The following LMX1A variants were observed in gnomAD, a reference collection of about 807,000 sequenced individuals.
LMX1A encodes LIM homeobox transcription factor 1-alpha.
LMX1A carries 15 observed loss-of-function variants against 49.1 expected under a neutral mutation model. The observed-to-expected ratio is 0.31, with a 90% CI of 0.20 to 0.47. LMX1A has a LOEUF of 0.47. Among genes scored for constraint, LMX1A ranks in the 20% least tolerant of loss-of-function variants. The probability of loss-of-function intolerance (pLI) is 1.00; values close to 1 mark genes in which losing one functional copy is unlikely to be tolerated. For synonymous variants in LMX1A, 167 were observed against 185.7 expected (o/e 0.90, Z 0.82); for missense variants, 372 against 475.8 (o/e 0.78, Z 2.03).
chr1:165,255,776 C>T (rs1337541938), intron 3 of LMX1A, among the ~76,000 whole-genome samples: 3 of 152,090 alleles, frequency 2.0e-5, no homozygotes, highest in Admixed American at 6.5e-5. Context: ...GAGGTCGAGA[C>T]CAGCCTGGCC....
intron 8 of LMX1A, 40 bp downstream of exon 8, chr1:165,205,824 C>A: frequency 1.3e-6 from 2 of 1,599,080 alleles, no homozygotes; most frequent in Non-Finnish European, 1.7e-6. Flanking sequence ...GAAACCCACA[C>A]AAGTTATGAG....
At chr1:165,338,791 T>C (rs948922036) in intron 3 of LMX1A, among the ~76,000 whole-genome samples, 4 of 152,216 alleles carry the variant, frequency 2.6e-5, no homozygotes, top group Non-Finnish European at 5.9e-5. Context: ...TGGAAAATAC[T>C]TGGCTTCCTT....
intron 4 of LMX1A, among the ~76,000 whole-genome samples, chr1:165,232,898 T>C (rs2102622214): frequency 6.6e-6 from 1 of 152,270 alleles, no homozygotes; most frequent in Admixed American, 6.5e-5. Context: ...CTTTGGTGAG[T>C]CAGGAAGATG....
At chr1:165,305,993 C>A (rs745324182) in intron 3 of LMX1A, among the ~76,000 whole-genome samples, 1 of 152,138 alleles carries the variant, frequency 6.6e-6, no homozygotes, top group African/African-American at 2.4e-5. Flanking sequence ...AAGTACAATG[C>A]GTTACTAGCA....
chr1:165,340,483 T>C (rs1656040966), intron 3 of LMX1A, among the ~76,000 whole-genome samples: 1 of 152,194 alleles, frequency 6.6e-6, no homozygotes, highest in South Asian at 2.1e-4. Context: ...CCACTCACTC[T>C]GATGTTCTCC....
In LMX1A at chr1:165,203,657, T is replaced by A. The variant is rs1411521036; in HGVS notation, c.*223A>T. 2.4e-6 allele frequency: 1 copy of A among 422,670 alleles called. No homozygotes were observed. The highest frequency in any genetic ancestry group is 2.0e-5 in the African/African-American group (1 of 51,220). The allele number at this position is 422,670 out of a possible 1,614,324, so 26.2% of individuals were successfully genotyped here. A position where few individuals can be genotyped will look rare whatever the true frequency, so the allele number is the denominator to read the frequency against. On this transcript the variant is annotated 3_prime_UTR_variant, in exon 9 of 9. Coordinates refer to ENST00000342310, the MANE Select transcript of LMX1A (RefSeq NM_177398.4). ...CCTTAATGATAAACACGTCTTCATATCTAATGCTAAGACTCTTATTAGAAA... is the reference window on the plus strand; with the variant it reads ...CCTTAATGATAAACACGTCTTCATAACTAATGCTAAGACTCTTATTAGAAA...
intron 3 of LMX1A, among the ~76,000 whole-genome samples, chr1:165,329,865 A>G (rs1428518501): frequency 6.6e-6 from 1 of 152,232 alleles, no homozygotes; most frequent in South Asian, 2.1e-4. Context: ...TATCTCCAAG[A>G]CTGACACATT....
At chr1:165,213,103 T>C (rs1274208590) in intron 5 of LMX1A, 4 of 152,324 alleles carry the variant, frequency 2.6e-5, no homozygotes, top group Non-Finnish European at 4.4e-5. Context: ...CACTGTATTT[T>C]TTTTTACATG....
chr1:165,237,110 T>C (rs1355672828), intron 4 of LMX1A, among the ~76,000 whole-genome samples: 1 of 152,174 alleles, frequency 6.6e-6, no homozygotes, highest in Non-Finnish European at 1.5e-5. Context: ...AACCTAATCC[T>C]TGCCCAATGT....
intron 3 of LMX1A, among the ~76,000 whole-genome samples, chr1:165,336,697 T>C (rs1482145680): frequency 6.6e-6 from 1 of 152,132 alleles, no homozygotes; most frequent in Non-Finnish European, 1.5e-5. Context: ...AGGGGGAATA[T>C]CTTGGAATCA....
intron 4 of LMX1A, among the ~76,000 whole-genome samples, chr1:165,230,844 G>A (rs1652216346): frequency 6.6e-6 from 1 of 152,140 alleles, no homozygotes; most frequent in African/African-American, 2.4e-5. Flanking sequence ...CATTCCAAGT[G>A]TCTGTCACAG....
intron 3 of LMX1A, among the ~76,000 whole-genome samples, chr1:165,265,669 A>C (rs1653600005): frequency 6.6e-6 from 1 of 152,176 alleles, no homozygotes; most frequent in South Asian, 2.1e-4. Flanking sequence ...AGTCATTGCT[A>C]TTGTCATTGA....
chr1:165,241,779 G>A (rs1219225595), intron 4 of LMX1A, among the ~76,000 whole-genome samples: 1 of 152,156 alleles, frequency 6.6e-6, no homozygotes, highest in African/African-American at 2.4e-5. Flanking sequence ...ACAAGACAGG[G>A]TAGATGAAAT....
chr1:165,290,754 G>A (rs554899176), intron 3 of LMX1A, among the ~76,000 whole-genome samples: 13 of 152,242 alleles, frequency 8.5e-5, no homozygotes, highest in South Asian at 2.1e-4. Context: ...TTAGAAATGC[G>A]GTTCTCAAAG....
intron 7 of LMX1A, among the ~76,000 whole-genome samples, chr1:165,207,000 G>C (rs928944178): frequency 6.6e-6 from 1 of 152,168 alleles, no homozygotes; most frequent in African/African-American, 2.4e-5. Context: ...CTGTTGAGGG[G>C]CCAGAGAACT....
rs1656577004 is a variant in LMX1A at position 165,355,495 on chromosome 1, G to A, written c.65C>T (p.Ser22Phe). 2 of 1,614,026 alleles carry A rather than the reference G, an allele frequency of 1.2e-6. No homozygotes were observed. Among genetic ancestry groups the A allele is most frequent in the Non-Finnish European group, 1.7e-6 (2 of 1,179,970 alleles). The change falls in exon 2 of 9, where the codon TCC becomes TTC. Residue 22 changes from serine (S) to phenylalanine (F), a missense_variant. Physicochemically the swap from Ser to Phe is radical, Grantham distance 155. Around this residue, in one of 3 missense-constraint regions of LMX1A, gnomAD observed 199 missense variants for 244.0 expected, o/e 0.82. Coordinates refer to ENST00000342310, the MANE Select transcript of LMX1A (RefSeq NM_177398.4). The surrounding 1 kb of genome is among the most constrained non-coding windows in gnomAD (Gnocchi z 4.7). ...QSAIDTSASF[S>F]SLLGRAVSPK... ...GCCTGAACACTCACCCAGCAGCGAG[G>A]AGAAGGAGGCCGAGGTGTCGATCGC...
At chr1:165,284,891 G>A (rs528183386) in intron 3 of LMX1A, among the ~76,000 whole-genome samples, 2 of 152,294 alleles carry the variant, frequency 1.3e-5, no homozygotes, top group Admixed American at 6.5e-5. Context: ...TGCAATAGCC[G>A]CCAGAACCAA....
intron 3 of LMX1A, among the ~76,000 whole-genome samples, chr1:165,340,888 G>A (rs1488996439): frequency 6.6e-6 from 1 of 152,084 alleles, no homozygotes; most frequent in Non-Finnish European, 1.5e-5. Context: ...AAGTCATGAT[G>A]TTCAACTTAT....
At chr1:165,292,023 C>T (rs534795120) in intron 3 of LMX1A, among the ~76,000 whole-genome samples, 52 of 141,804 alleles carry the variant, frequency 3.7e-4, no homozygotes, top group African/African-American at 1.2e-3. Context: ...GATCGCGCCA[C>T]TGCACTCCAG....
Sources: gnomAD v4.1 joint callset for allele counts (sites outside exome capture counted in the v4.1 genomes callset) on GRCh38, gnomAD v4.1.1 for gene constraint, gnomAD v4.1.1 regional missense constraint, Gnocchi (gnomAD v3.1) non-coding constraint, MANE v1.5 for transcripts, NCBI Gene and HGNC (gene_info 2026-07-23, HGNC 2026-07-21) for gene names.